The following ALDH2 variants were observed in gnomAD, a reference collection of about 807,000 sequenced individuals.
ALDH2 encodes the protein aldehyde dehydrogenase, mitochondrial.
In ALDH2, 44 loss-of-function variants were observed where a neutral mutation model predicts 59.6. The ratio of observed to expected loss-of-function variants is 0.74; its 90% CI spans 0.58 to 0.95. The LOEUF (loss-of-function observed/expected upper bound fraction) is 0.95, where lower values mean the gene tolerates loss of function less well. Ranked by LOEUF, ALDH2 falls within the 40% of genes least tolerant of loss-of-function variation. ALDH2 has a pLI of 0.00. For missense variants in ALDH2, 570 were observed against 696.3 expected (o/e 0.82, Z 2.04); for synonymous variants, 291 against 284.0 (o/e 1.02, Z -0.25).
intron 1 of ALDH2, among the ~76,000 whole-genome samples, chr12:111,768,494 C>T (rs1282507778): frequency 1.3e-5 from 2 of 152,260 alleles, no homozygotes; most frequent in Non-Finnish European, 2.9e-5. Flanking sequence ...GCAGCTATGG[C>T]TCCCTTGGCA....
At chr12:111,802,081 C>T (rs541860485) in intron 11 of ALDH2, among the ~76,000 whole-genome samples, 9 of 151,668 alleles carry the variant, frequency 5.9e-5, no homozygotes, top group Admixed American at 3.3e-4. Flanking sequence ...GGTGAAACCC[C>T]GTCTCTACTA....
At chr12:111,795,616 A>G (rs952714660) in intron 9 of ALDH2, among the ~76,000 whole-genome samples, 1 of 130,120 alleles carries the variant, frequency 7.7e-6, no homozygotes, top group African/African-American at 3.0e-5. Context: ...TTTTTGAGAC[A>G]GAGTCTTGCT....
Position 111,792,122 on chromosome 12 carries a change from T to TG in ALDH2, c.864dup (p.Lys289GlufsTer45), listed in dbSNP as rs771889973. The TG allele has an allele frequency of 2.4e-5, 38 of 1,607,320 alleles. No homozygotes were observed. The highest frequency in any genetic ancestry group is 2.7e-5 in the African/African-American group (2 of 74,290). Reference sequence around the variant, plus strand: ...AACCTCAAGAGAGTGACCTTGGAGCTGGGGGGGAAGAGCCCCAACATCATC... The same window carrying TG: ...AACCTCAAGAGAGTGACCTTGGAGCTGGGGGGGGAAGAGCCCCAACATCATC... On this transcript the variant is annotated frameshift_variant, in exon 8 of 13. Transcript: ENST00000261733. LOFTEE classifies it high-confidence loss of function.
intron 3 of ALDH2, among the ~76,000 whole-genome samples, chr12:111,784,064 C>G (rs1416088125): frequency 1.3e-5 from 2 of 152,222 alleles, no homozygotes; most frequent in African/African-American, 4.8e-5. Context: ...CTGCTCTTAT[C>G]CCTGCATGGC....
intron 12 of ALDH2, among the ~76,000 whole-genome samples, chr12:111,806,112 G>T (rs1463517304): frequency 6.6e-6 from 1 of 151,594 alleles, no homozygotes; most frequent in East Asian, 1.9e-4. Context: ...AGGAGATCGA[G>T]ACCATCCTGG....
chr12:111,774,054 T>C (rs1210386173), intron 1 of ALDH2, among the ~76,000 whole-genome samples: 4 of 152,086 alleles, frequency 2.6e-5, no homozygotes, highest in South Asian at 4.1e-4. Flanking sequence ...TGCAGCAAGA[T>C]AGAGGTTGCC....
In ALDH2 at chr12:111,803,662, A is replaced by T. The variant is rs540100648; in HGVS notation, c.1407-197A>T. On this transcript the variant is annotated intron_variant, in intron 11 of 12. Coordinates refer to ENST00000261733, the MANE Select transcript of ALDH2 (RefSeq NM_000690.4). ...GAGGCAGGAGAATCTCTTGAACCCC[A>T]GATGTGGAGGTTGCAACGAGCCAAG... is the stretch of plus-strand genomic sequence containing the variant. 7.2e-5 allele frequency among the ~76,000 whole-genome samples: 11 copies of T among 151,782 alleles called. No homozygotes were observed. The South Asian group carries it at 2.1e-3, about 29-fold the overall frequency.
intron 1 of ALDH2, among the ~76,000 whole-genome samples, chr12:111,772,467 C>T (rs112940500): frequency 7.2e-5 from 11 of 151,856 alleles, no homozygotes; most frequent in African/African-American, 2.7e-4. Context: ...CGGGTTCAAG[C>T]GATTCTCCTG....
At position 111,785,315 on chromosome 12, in the gene ALDH2, G is replaced by C. The variant is rs760105168; in HGVS notation, c.409G>C (p.Val137Leu). 3.1e-6 allele frequency: 5 copies of C among 1,614,126 alleles called. No individual in the cohort carries two copies. The highest frequency in any genetic ancestry group is 4.2e-6 in the Non-Finnish European group (5 of 1,180,022). Residue 137 changes from valine (V) to leucine (L), a missense_variant, in exon 4 of 13, where the codon GTG (valine) becomes CTG (leucine). Val to Leu is a conservative substitution (Grantham distance 32). Transcript: ENST00000261733. ...NGKPYVISYL[V>L]DLDMVLKCLR... is the part of the protein sequence containing the mutation. The stretch of plus-strand genomic sequence containing the variant: ...CAAGCCCTATGTCATCTCCTACCTG[G>C]TGGATTTGGACATGGTCCTCAAATG...
At chr12:111,774,242 G>A (rs1249652034) in intron 1 of ALDH2, among the ~76,000 whole-genome samples, 3 of 152,192 alleles carry the variant, frequency 2.0e-5, no homozygotes. Flanking sequence ...CAAGCCTGGG[G>A]AGATGACTGC....
At position 111,809,805 on chromosome 12, in the gene ALDH2, G is replaced by A. The variant is rs1342677469; in HGVS notation, c.*230G>A. 1 of 562,642 alleles carries A rather than the reference G, an allele frequency of 1.8e-6. No individual in the cohort carries two copies. The highest frequency in any genetic ancestry group is 3.0e-5 in the East Asian group (1 of 33,646). 34.9% of individuals were successfully genotyped at this position (562,642 alleles called of 1,614,324 possible). A position where few individuals can be genotyped will look rare whatever the true frequency, so the allele number is the denominator to read the frequency against. On this transcript the variant is annotated 3_prime_UTR_variant, in exon 13 of 13. Coordinates refer to ENST00000261733, the MANE Select transcript of ALDH2 (RefSeq NM_000690.4). ...ACGACAACAATACTGCTAGCTTTCAGGATGATTTTTAAAAAATAGATTCAA... is the reference window on the plus strand; with the variant it reads ...ACGACAACAATACTGCTAGCTTTCAAGATGATTTTTAAAAAATAGATTCAA...
At position 111,809,843 on chromosome 12, in the gene ALDH2, CT is replaced by C. The variant is rs1368883892; in HGVS notation, c.*269del. 5.9e-6 allele frequency: 3 copies of C among 511,588 alleles called. No homozygotes were observed. Among genetic ancestry groups the C allele is most frequent in the Non-Finnish European group, 1.0e-5 (3 of 287,562 alleles). The allele number at this position is 511,588 out of a possible 1,614,324, so 31.7% of individuals were successfully genotyped here. On this transcript the variant is annotated 3_prime_UTR_variant, in exon 13 of 13. Transcript: ENST00000261733. The stretch of plus-strand genomic sequence containing the variant: ...AAAATAGATTCAAATGTGTTATCCT[CT>C]CTCTGAAACGCTTCCTATAACTCGA...
In ALDH2 at chr12:111,790,014, G is replaced by A. The variant is rs1453178016; in HGVS notation, c.552+80G>A. On this transcript the variant is annotated intron_variant, in intron 5 of 12. Transcript: ENST00000261733. Reference sequence around the variant, plus strand: ...CCAGACTCATTGCAGAGGTTCTGGGGTGGTGTCGGAAGGCAGCCTGGGTGG... The same window carrying A: ...CCAGACTCATTGCAGAGGTTCTGGGATGGTGTCGGAAGGCAGCCTGGGTGG... 7.8e-6 allele frequency: 11 copies of A among 1,413,958 alleles called. No homozygotes were observed. In the Admixed American group the frequency reaches 1.9e-4, roughly 25 times the overall value. The allele number at this position is 1,413,958 out of a possible 1,614,324, so 87.6% of individuals were successfully genotyped here. A position where few individuals can be genotyped will look rare whatever the true frequency, so the allele number is the denominator to read the frequency against.
chr12:111,788,280 C>T (rs1333017426), intron 4 of ALDH2, among the ~76,000 whole-genome samples: 5 of 152,138 alleles, frequency 3.3e-5, no homozygotes, highest in African/African-American at 4.8e-5. Flanking sequence ...AGGGCAATCA[C>T]GCCTCCCCGG....
rs368395266 is a variant in ALDH2 at position 111,791,450 on chromosome 12, C to T, written c.795+31C>T. On this transcript the variant is annotated intron_variant, in intron 7 of 12. Transcript: ENST00000261733. Reference sequence around the variant, plus strand: ...GTGACCCTGGCCTCAAGCTTGCAGCCTCCTTGGCCCAAGCTCCCCCTGTCC... The same window carrying T: ...GTGACCCTGGCCTCAAGCTTGCAGCTTCCTTGGCCCAAGCTCCCCCTGTCC... 1,835 of 1,532,742 alleles carry T rather than the reference C, an allele frequency of 1.2e-3. 9 individuals carry two copies. Among genetic ancestry groups the T allele is most frequent in the Non-Finnish European group, 8.8e-4 (979 of 1,114,884 alleles). 94.9% of individuals were successfully genotyped at this position (1,532,742 alleles called of 1,614,324 possible). A position where few individuals can be genotyped will look rare whatever the true frequency, so the allele number is the denominator to read the frequency against.
intron 1 of ALDH2, among the ~76,000 whole-genome samples, chr12:111,774,157 C>T (rs2068219839): frequency 6.6e-6 from 1 of 152,038 alleles, no homozygotes; most frequent in South Asian, 2.1e-4. Context: ...TGAAAAAAGG[C>T]CCTGGGGTGG....
chr12:111,781,768 T>C (rs1436566095), intron 1 of ALDH2, 150 bp from the exon 2 acceptor site: 1 of 590,724 alleles, frequency 1.7e-6, no homozygotes, highest in Non-Finnish European at 3.0e-6. Flanking sequence ...GCCTAGATTG[T>C]CTGCAAGGCC....
intron 1 of ALDH2, among the ~76,000 whole-genome samples, chr12:111,778,310 C>T (rs2068247925): frequency 6.6e-6 from 1 of 152,098 alleles, no homozygotes; most frequent in Admixed American, 6.6e-5. Flanking sequence ...TTTGGGAGGC[C>T]GAGGTGAGTG....
chr12:111,790,414 G>T lies in ALDH2; in HGVS notation c.553-20G>T. The stretch of plus-strand genomic sequence containing the variant: ...CTCTGAGGAAGCTTGGATTTCGAGG[G>T]CTGCTGTTGTTTGTTGCAGTGGAAT... On this transcript the variant is annotated intron_variant, in intron 5 of 12. Transcript: ENST00000261733. 6.2e-7 allele frequency: 1 copy of T among 1,613,422 alleles called. No individual in the cohort carries two copies. The highest frequency in any genetic ancestry group is 8.5e-7 in the Non-Finnish European group (1 of 1,179,774).
Sources: allele counts gnomAD v4.1 joint callset (sites outside exome capture counted in the v4.1 genomes callset), GRCh38; gene constraint gnomAD v4.1.1; transcripts MANE v1.5; gene names NCBI Gene and HGNC (gene_info 2026-07-23, HGNC 2026-07-21).